Variants in GCKR observed in about 807,000 individuals in gnomAD.
GCKR encodes glucokinase regulator, also known as glucokinase regulatory protein.
GCKR carries 73 observed loss-of-function variants against 82.9 expected under a neutral mutation model. That is an observed-to-expected ratio of 0.88 (90% CI 0.73 to 1.07). GCKR has a LOEUF of 1.07. GCKR is among the 50% of genes least tolerant of loss of function. GCKR has a pLI of 0.00. For missense variants in GCKR, 784 were observed against 782.1 expected (o/e 1.00, Z -0.03); for synonymous variants, 294 against 291.8 (o/e 1.01, Z -0.08).
Position 27,518,826 on chromosome 2 carries a change from T to C in GCKR, c.1461T>C (p.Asn487=), listed in dbSNP as rs1224116890. 1.2e-6 allele frequency: 2 copies of C among 1,612,730 alleles called. No homozygotes were observed. The highest frequency in any genetic ancestry group is 1.7e-6 in the Non-Finnish European group (2 of 1,178,708). The change falls in exon 17 of 19, where the codon AAT becomes AAC. Residue 487 remains asparagine (N), a synonymous_variant. Coordinates refer to ENST00000264717, the MANE Select transcript of GCKR (RefSeq NM_001486.4). ...AGCTAAGCACCAAATGGGTGCTGAA[T>C]ACAGTGAGTACAGGTGCTCATGTGC... ...QRELSTKWVL[N]TVSTGAHVLL... is the part of the protein sequence containing the mutation.
chr2:27,506,770 C>A lies in GCKR; in HGVS notation c.969-18C>A. The A allele has an allele frequency of 2.0e-6, 3 of 1,533,572 alleles. No homozygotes were observed. The highest frequency in any genetic ancestry group is 2.7e-6 in the Non-Finnish European group (3 of 1,106,326). 95.0% of individuals were successfully genotyped at this position (1,533,572 alleles called of 1,614,324 possible). On this transcript the variant is annotated intron_variant, in intron 11 of 18. Coordinates refer to ENST00000264717, the MANE Select transcript of GCKR (RefSeq NM_001486.4). ...TGCACGGTGATCTCTCATGTCCTGA[C>A]CTCTGACCCATTCTCAGTCTGGAGA...
intron 8 of GCKR, among the ~76,000 whole-genome samples, chr2:27,502,759 C>G (rs767114811): frequency 6.6e-6 from 1 of 152,094 alleles, no homozygotes; most frequent in Non-Finnish European, 1.5e-5. Flanking sequence ...AGGGAGGGAA[C>G]CTTTGCAGGA....
At chr2:27,501,278 A>G (rs1399026085) in intron 8 of GCKR, 49 bp downstream of exon 8, 1 of 1,197,722 alleles carries the variant, frequency 8.3e-7, no homozygotes, top group South Asian at 1.2e-5. Context: ...CTGGAGGGGA[A>G]CATGTCAAAG....
chr2:27,508,138 C>G, intron 15 of GCKR, 30 bp from the exon 16 acceptor site: 1 of 1,584,594 alleles, frequency 6.3e-7, no homozygotes, highest in South Asian at 1.1e-5. Flanking sequence ...CCTGGAGATG[C>G]CTCTCCTGCT....
In GCKR at chr2:27,522,581, A is replaced by T. The variant is rs547873593; in HGVS notation, c.1694A>T (p.His565Leu). Residue 565 changes from histidine to leucine, a missense_variant, in exon 18 of 19, where the codon CAT becomes CTT. Transcript: ENST00000264717. ...APISCHVQVAHEKEQVIPIAL... is the reference protein window; with the variant it reads ...APISCHVQVALEKEQVIPIAL... ...ATCTCCTGCCATGTCCAGGTTGCAC[A>T]TGAGAAGGAACAGGTATCCTGCCCA... 6 of 1,613,738 alleles carry T rather than the reference A, an allele frequency of 3.7e-6. No homozygotes were observed. The highest frequency in any genetic ancestry group is 3.4e-6 in the Non-Finnish European group (4 of 1,179,722).
chr2:27,517,311 G>A (rs1399013833), intron 16 of GCKR, among the ~76,000 whole-genome samples: 7 of 152,154 alleles, frequency 4.6e-5, no homozygotes, highest in African/African-American at 1.7e-4. Flanking sequence ...GAGACTGGGT[G>A]ATTTATAAAG....
Position 27,497,372 on chromosome 2 carries a change from G to A in GCKR, c.189G>A (p.Glu63=), listed in dbSNP as rs34775423. 2.3e-4 allele frequency: 369 copies of A among 1,614,170 alleles called. 3 individuals carry two copies. The East Asian group carries it at 7.7e-3, about 34-fold the overall frequency. The change falls in exon 2 of 19, where the codon GAG becomes GAA. Residue 63 remains glutamate (E), a synonymous_variant. Transcript: ENST00000264717. ...AATGTGATGCTGAGATCTTCCAGGA[G>A]GAGGGGCAAGCCCTGTCCACATACC... ...LGQCDAEIFQ[E]EGQALSTYQR...
At position 27,498,327 on chromosome 2, in the gene GCKR, A is replaced by G. The variant is rs750405911; in HGVS notation, c.354+4A>G. ...CCGGATGGCATTCCTCATGTCGGTG[A>G]GCACCCTGGTCTCCAGTTTTCTTCC... is the stretch of plus-strand genomic sequence containing the variant. On this transcript the variant is annotated splice_donor_region_variant and intron_variant, in intron 4 of 18. Coordinates refer to ENST00000264717, the MANE Select transcript of GCKR (RefSeq NM_001486.4). The G allele has an allele frequency of 6.2e-7, 1 of 1,608,308 alleles. No homozygotes were observed.
intron 3 of GCKR, 86 bp downstream of exon 3, chr2:27,497,716 T>C: frequency 2.4e-6 from 2 of 835,974 alleles, no homozygotes; most frequent in Non-Finnish European, 4.2e-6. Flanking sequence ...CTTTGATAGA[T>C]CTCATTCTCC....
At chr2:27,507,196 A>G in intron 12 of GCKR, 39 bp from the exon 13 acceptor site, 1 of 1,364,008 alleles carries the variant, frequency 7.3e-7, no homozygotes, top group Non-Finnish European at 1.1e-6. Context: ...TTTCCTATAT[A>G]GCCAATCACT....
Position 27,506,829 on chromosome 2 carries a change from C to G in GCKR, c.1010C>G (p.Thr337Ser). 6.2e-7 allele frequency: 1 copy of G among 1,613,596 alleles called. No homozygotes were observed. The highest frequency in any genetic ancestry group is 1.1e-5 in the South Asian group (1 of 91,068). Residue 337 changes from threonine (T) to serine (S), a missense_variant, in exon 12 of 19, where the codon ACC becomes AGC. Thr to Ser is a moderately conservative substitution (Grantham distance 58, BLOSUM62 1). Transcript: ENST00000264717. ...CACGTGTACCTGGTTGGCTGGCAGA[C>G]CCTGGGCATCATTGCCATCATGGAT... ...KGHVYLVGWQ[T>S]LGIIAIMDGV... is the part of the protein sequence containing the mutation.
chr2:27,522,485 G>T lies in GCKR; in HGVS notation c.1598G>T (p.Arg533Leu). The change falls in exon 18 of 19, where the codon CGA becomes CTA. Residue 533 changes from arginine to leucine, a missense_variant. By Grantham distance (102) the Arg-to-Leu change is moderately radical. Coordinates refer to ENST00000264717, the MANE Select transcript of GCKR (RefSeq NM_001486.4). The part of the protein sequence containing the change: ...LQRFSGQSKA[R>L]CIESLLRAIH... ...CGGTTCTCTGGACAGTCCAAGGCTC[G>T]ATGCATCGAGAGCCTCCTCCGAGCG... The T allele has an allele frequency of 6.2e-7, 1 of 1,613,694 alleles. No individual in the cohort carries two copies. Among genetic ancestry groups the T allele is most frequent in the Non-Finnish European group, 8.5e-7 (1 of 1,179,686 alleles).
chr2:27,505,299 G>C (rs1669694765), intron 9 of GCKR, among the ~76,000 whole-genome samples: 2 of 150,054 alleles, frequency 1.3e-5, no homozygotes, highest in African/African-American at 4.9e-5. Context: ...GGGAGGCTGA[G>C]GCAGGAGAAT....
chr2:27,518,905 A>G lies in GCKR; in HGVS notation c.1540A>G (p.Lys514Glu), dbSNP rs1285592280. ...GTTGGACCTTCGGATTAGCAACTCC[A>G]AGCTCTTCTGGCGGGCGCTGGCCAT... ...HMLDLRISNS[K>E]LFWRALAMLQ... The change falls in exon 17 of 19, where the codon AAG becomes GAG. Residue 514 changes from lysine to glutamate, a missense_variant. Transcript: ENST00000264717. The G allele has an allele frequency of 1.2e-6, 2 of 1,613,648 alleles. No individual in the cohort carries two copies. The highest frequency in any genetic ancestry group is 2.7e-5 in the African/African-American group (2 of 74,904).
chr2:27,504,505 C>T (rs1476343458), intron 9 of GCKR, among the ~76,000 whole-genome samples: 1 of 151,878 alleles, frequency 6.6e-6, no homozygotes, highest in Non-Finnish European at 1.5e-5. Flanking sequence ...TTACAGGTGC[C>T]TGCCACCACA....
chr2:27,498,284 T>C lies in GCKR; in HGVS notation c.315T>C (p.Ser105=). 6.2e-7 allele frequency: 1 copy of C among 1,613,744 alleles called. No homozygotes were observed. Among genetic ancestry groups the C allele is most frequent in the Non-Finnish European group, 8.5e-7 (1 of 1,179,738 alleles). Residue 105 remains serine, a synonymous_variant, in exon 4 of 19, where the codon AGT becomes AGC. Coordinates refer to ENST00000264717, the MANE Select transcript of GCKR (RefSeq NM_001486.4). ...CAGATGGGGGGCTGGTTGTGCTGAG[T>C]GGAGGGGGCACCTCTGGCCGGATGG... ...KEPDGGLVVL[S]GGGTSGRMAF...
At chr2:27,512,344 TG>T (rs1232903983) in intron 16 of GCKR, among the ~76,000 whole-genome samples, 4 of 150,494 alleles carry the variant, frequency 2.7e-5, no homozygotes, top group Admixed American at 6.7e-5. Flanking sequence ...AAGACCAGCC[TG>T]GCCAACATGG....
chr2:27,508,102 C>T (rs1669794295), intron 15 of GCKR, 28 bp downstream of exon 15: 2 of 1,591,740 alleles, frequency 1.3e-6, no homozygotes, highest in Admixed American at 1.7e-5. Context: ...ACAAAGGGAC[C>T]CAGGTGGCAG....
At chr2:27,522,352 G>T in intron 17 of GCKR, 108 bp from the exon 18 acceptor site, 1 of 1,094,978 alleles carries the variant, frequency 9.1e-7, no homozygotes, top group Non-Finnish European at 1.4e-6. Flanking sequence ...CTATAGCCAG[G>T]CCTCGGGATC....
Sources: gnomAD v4.1 joint callset for allele counts (sites outside exome capture counted in the v4.1 genomes callset) on GRCh38, gnomAD v4.1.1 for gene constraint, MANE v1.5 for transcripts, NCBI Gene and HGNC (gene_info 2026-07-23, HGNC 2026-07-21) for gene names.